The following TAFA2 variants were observed in gnomAD, a reference collection of about 807,000 sequenced individuals.
The protein encoded by TAFA2 is chemokine-like protein TAFA-2.
In TAFA2, 7 loss-of-function variants were observed where a neutral mutation model predicts 18.8. That is an observed-to-expected ratio of 0.37 (90% CI 0.21 to 0.70). The LOEUF is 0.70. Ranked by LOEUF, TAFA2 falls within the 30% of genes least tolerant of loss-of-function variation. The pLI is 0.53. For synonymous variants in TAFA2, 60 were observed against 54.2 expected (o/e 1.11, Z -0.47); for missense variants, 122 against 158.1 (o/e 0.77, Z 1.23).
In TAFA2 at chr12:62,076,804, T is replaced by C. The variant is rs181551369; in HGVS notation, c.-2+114455A>G. ...TTGATTTCTTATCACGCAAATATCT[T>C]CATGGGTTCATATTCAGATGAGACA... On this transcript the variant is annotated intron_variant, in intron 1 of 4. Transcript: ENST00000416284. 5.3e-5 allele frequency among the ~76,000 whole-genome samples: 8 copies of C among 152,336 alleles called. No homozygotes were observed. In the East Asian group the frequency reaches 1.5e-3, roughly 29 times the overall value.
At chr12:62,153,732 G>A (rs189003581) in intron 1 of TAFA2, among the ~76,000 whole-genome samples, 2 of 151,954 alleles carry the variant, frequency 1.3e-5, no homozygotes, top group Admixed American at 1.3e-4. Context: ...GTGGAAAAGA[G>A]TATAGGATGC....
At chr12:62,180,100 C>T (rs2062542000) in intron 1 of TAFA2, among the ~76,000 whole-genome samples, 1 of 152,220 alleles carries the variant, frequency 6.6e-6, no homozygotes, top group Admixed American at 6.5e-5. Context: ...ATGGACTCTG[C>T]TCCAAGGTAA....
chr12:62,197,607 T>G (rs943421923), upstream of TAFA2, among the ~76,000 whole-genome samples: 1 of 152,190 alleles, frequency 6.6e-6, no homozygotes, highest in Non-Finnish European at 1.5e-5. Flanking sequence ...TTATAATCCA[T>G]ATCTTCTTCC....
intron 1 of TAFA2, among the ~76,000 whole-genome samples, chr12:61,930,062 G>A (rs988334705): frequency 7.2e-5 from 11 of 151,780 alleles, no homozygotes; most frequent in African/African-American, 1.9e-4. Context: ...GCTAAATGAC[G>A]AGTTGATGGG....
rs146002280 is a variant in TAFA2 at position 62,041,428 on chromosome 12, C to T, written c.-2+149831G>A. Among the ~76,000 whole-genome samples the T allele has an allele frequency of 6.5e-4, 99 of 152,192 alleles. 1 individual carries two copies. Among genetic ancestry groups the T allele is most frequent in the African/African-American group, 2.2e-3 (92 of 41,540 alleles). ...TGAGGAAGGTACTGAAAGTGGATTT[C>T]GGAAACTAAAGCTTTGTAACTTTAC... On this transcript the variant is annotated intron_variant, in intron 1 of 4. Transcript: ENST00000416284.
At chr12:62,076,460 G>A (rs1336273671) in intron 1 of TAFA2, among the ~76,000 whole-genome samples, 1 of 152,112 alleles carries the variant, frequency 6.6e-6, no homozygotes, top group African/African-American at 2.4e-5. Context: ...GTCACTGTGA[G>A]ATAATTATAC....
At position 61,746,585 on chromosome 12, in the gene TAFA2, G is replaced by A. The variant is rs1868718534; in HGVS notation, c.384+7037C>T. On this transcript the variant is annotated intron_variant, in intron 4 of 4. Transcript: ENST00000416284. ...TTTCAGTCTTGTGAAACCCAGAGCA[G>A]AGACCCACCTGAGCTACACTGTGCC... Among the ~76,000 whole-genome samples, 2 of 152,088 alleles carry A rather than the reference G, an allele frequency of 1.3e-5. 1 individual carries two copies. Among genetic ancestry groups the A allele is most frequent in the South Asian group, 4.1e-4 (2 of 4,828 alleles).
rs59903640 is a variant in TAFA2 at position 62,234,547 on chromosome 12, G to T, written c.-130+24216C>A. 1,070 of 847,340 alleles carry T rather than the reference G, an allele frequency of 1.3e-3. 9 individuals are homozygous for T. The African/African-American group carries it at 0.017, about 13-fold the overall frequency. 52.5% of individuals were successfully genotyped at this position (847,340 alleles called of 1,614,324 possible). A position where few individuals can be genotyped will look rare whatever the true frequency, so the allele number is the denominator to read the frequency against. On this transcript the variant is annotated intron_variant, in intron 1 of 5. Coordinates refer to the TAFA2 transcript ENST00000551619. Reference sequence around the variant, plus strand: ...TGGTCAATGTCTGGTGTGTACCCACGTATGTCATCTACGCTCATTAGAACG... The same window carrying T: ...TGGTCAATGTCTGGTGTGTACCCACTTATGTCATCTACGCTCATTAGAACG...
chr12:61,894,728 T>A (rs980968965), intron 1 of TAFA2, among the ~76,000 whole-genome samples: 2 of 152,192 alleles, frequency 1.3e-5, no homozygotes, highest in African/African-American at 4.8e-5. Context: ...ATTGCCCACA[T>A]GGTTCTTGTA....
At chr12:61,955,153 G>C (rs1053603147) in intron 1 of TAFA2, among the ~76,000 whole-genome samples, 2 of 152,094 alleles carry the variant, frequency 1.3e-5, no homozygotes, top group Non-Finnish European at 2.9e-5. Flanking sequence ...TATCTGGATT[G>C]TAAACTTACT....
chr12:61,767,966 A>G (rs1382386925), intron 2 of TAFA2, among the ~76,000 whole-genome samples: 3 of 152,134 alleles, frequency 2.0e-5, no homozygotes, highest in Non-Finnish European at 4.4e-5. Context: ...AACTCAAATT[A>G]AAATAGAGAA....
At chr12:62,149,017 C>A (rs2062306967) in intron 1 of TAFA2, among the ~76,000 whole-genome samples, 1 of 152,180 alleles carries the variant, frequency 6.6e-6, no homozygotes, top group South Asian at 2.1e-4. Context: ...CTAGGCCTTG[C>A]CTAACCAGTA....
intron 2 of TAFA2, among the ~76,000 whole-genome samples, chr12:61,864,260 A>G (rs2121208884): frequency 6.6e-6 from 1 of 152,052 alleles, no homozygotes; most frequent in South Asian, 2.1e-4. Context: ...TAAAATAAAT[A>G]AATTACCATG....
At chr12:62,231,405 C>T (rs1176510837) in intron 1 of TAFA2, among the ~76,000 whole-genome samples, 2 of 152,036 alleles carry the variant, frequency 1.3e-5, no homozygotes, top group Admixed American at 6.5e-5. Context: ...GCTACTTGTA[C>T]TCTTTTTGGT....
At position 61,756,028 on chromosome 12, in the gene TAFA2, A is replaced by G. The variant is rs571696568; in HGVS notation, c.107-1004T>C. The stretch of plus-strand genomic sequence containing the variant: ...AAAAGCAGGAGATCTTAAGTTGTTT[A>G]ATGGCATAAACATAAGGAGACCCAT... On this transcript the variant is annotated intron_variant, in intron 2 of 4. Coordinates refer to ENST00000416284, the MANE Select transcript of TAFA2 (RefSeq NM_178539.5). Among the ~76,000 whole-genome samples the G allele has an allele frequency of 3.9e-5, 6 of 152,220 alleles. No individual in the cohort carries two copies. The East Asian group carries it at 1.2e-3, about 30-fold the overall frequency.
At chr12:62,253,948 T>G (rs755940025) in intron 1 of TAFA2, among the ~76,000 whole-genome samples, 1 of 152,254 alleles carries the variant, frequency 6.6e-6, no homozygotes, top group Non-Finnish European at 1.5e-5. Flanking sequence ...CACAAGCATT[T>G]AAAAATATTC....
At chr12:62,249,920 G>T (rs1008631588) in intron 1 of TAFA2, among the ~76,000 whole-genome samples, 1 of 152,162 alleles carries the variant, frequency 6.6e-6, no homozygotes, top group African/African-American at 2.4e-5. Flanking sequence ...TCTAGCAAGG[G>T]TGGTTTCACT....
Position 62,103,935 on chromosome 12 carries a change from C to A in TAFA2, c.-2+87324G>T, listed in dbSNP as rs1193152900. Among the ~76,000 whole-genome samples the A allele has an allele frequency of 2.6e-5, 4 of 152,074 alleles. 1 individual carries two copies. Among genetic ancestry groups the A allele is most frequent in the Admixed American group, 2.6e-4 (4 of 15,258 alleles). On this transcript the variant is annotated intron_variant, in intron 1 of 4. Transcript: ENST00000416284. ...GGATGAAACTCCATCCTCCTCTAACCCTATTGTGCCTGTGTACTGCAGTAC... is the reference window on the plus strand; with the variant it reads ...GGATGAAACTCCATCCTCCTCTAACACTATTGTGCCTGTGTACTGCAGTAC...
chr12:62,079,710 A>G (rs1868291606), intron 1 of TAFA2, among the ~76,000 whole-genome samples: 1 of 151,994 alleles, frequency 6.6e-6, no homozygotes, highest in African/African-American at 2.4e-5. Flanking sequence ...TAAATCTGTG[A>G]TCAAAAATCA....
Sources: allele counts gnomAD v4.1 joint callset (sites outside exome capture counted in the v4.1 genomes callset), GRCh38; gene constraint gnomAD v4.1.1; transcripts MANE v1.5; gene names NCBI Gene and HGNC (gene_info 2026-07-23, HGNC 2026-07-21).